CHD1L: variants seen among roughly 807,000 people sequenced by gnomAD.
CHD1L encodes chromodomain helicase DNA binding protein 1 like.
In CHD1L, 118 loss-of-function variants were observed where a neutral mutation model predicts 115.9. The observed-to-expected ratio is 1.02, with a 90% CI of 0.88 to 1.19. The LOEUF (loss-of-function observed/expected upper bound fraction) is 1.19, where lower values mean the gene tolerates loss of function less well. Among genes scored for constraint, CHD1L ranks in the 50% most tolerant of loss-of-function variants. The probability of loss-of-function intolerance (pLI) is 0.00; values close to 1 mark genes in which losing one functional copy is unlikely to be tolerated. For missense variants in CHD1L, 1,179 were observed against 1,065.3 expected (o/e 1.11, Z -1.49); for synonymous variants, 411 against 387.1 (o/e 1.06, Z -0.72).
At chr1:147,190,138 A>C in the CHD1L span, 7 of 1,301,596 alleles carry the variant, frequency 5.4e-6, no homozygotes, top group East Asian at 2.3e-5. Flanking sequence ...AGAAATAAGT[A>C]GAAATGTAAC....
rs1443036471 is a variant in CHD1L at position 147,291,514 on chromosome 1, G to A, written c.2353G>A (p.Val785Ile). ...TTTGGGAGGTGTCCTTTTATTTCCT[G>A]TTGATGATAAAGAATCAAGAAACAA... ...LSLGGVLLFP[V>I]DDKESRNKGQ... The change falls in exon 20 of 23, where the codon GTT becomes ATT. Residue 785 changes from valine to isoleucine, a missense_variant. By Grantham distance (29) the Val-to-Ile change is conservative (BLOSUM62 3). Coordinates refer to ENST00000369258, the MANE Select transcript of CHD1L (RefSeq NM_004284.6). 6.2e-7 allele frequency: 1 copy of A among 1,613,824 alleles called. No individual in the cohort carries two copies. Among genetic ancestry groups the A allele is most frequent in the African/African-American group, 1.3e-5 (1 of 74,872 alleles).
the CHD1L span, among the ~76,000 whole-genome samples, chr1:147,232,475 A>ACCTCTC: frequency 6.7e-5 from 10 of 150,084 alleles, no homozygotes; most frequent in East Asian, 4.0e-4. Flanking sequence ...CTAAACCTCA[A>ACCTCTC]CCTCTCCCTC....
intron 10 of CHD1L, 25 bp from the exon 11 acceptor site, chr1:147,270,907 T>G: frequency 3.7e-6 from 6 of 1,606,424 alleles, no homozygotes; most frequent in Non-Finnish European, 5.1e-6. Flanking sequence ...GACTTGGCAG[T>G]GTTTCCTTTT....
the CHD1L span, among the ~76,000 whole-genome samples, chr1:147,188,117 A>AG: frequency 6.6e-6 from 1 of 152,308 alleles, no homozygotes; most frequent in South Asian, 2.1e-4. Flanking sequence ...GATTTAGGAG[A>AG]GAAAAAGGTA....
intron 1 of CHD1L, 173 bp downstream of exon 1, chr1:147,243,003 A>G: frequency 1.3e-6 from 1 of 794,802 alleles, no homozygotes; most frequent in Non-Finnish European, 1.7e-6. Flanking sequence ...CTTGGTGGCC[A>G]CGGCCCCCGC....
intron 6 of CHD1L, among the ~76,000 whole-genome samples, chr1:147,263,783 G>T (rs587678128): frequency 6.6e-6 from 1 of 151,930 alleles, no homozygotes; most frequent in East Asian, 1.9e-4. Context: ...GATTCTCTGT[G>T]ATCACCAGAA....
the CHD1L span, chr1:147,179,318 A>G: frequency 6.2e-7 from 1 of 1,608,010 alleles, no homozygotes; most frequent in African/African-American, 1.3e-5. Context: ...ATTGAATTTT[A>G]TGCCCCTTGG....
chr1:147,269,667 C>CAAAAAAAAAAAAA (rs10649680), intron 10 of CHD1L, among the ~76,000 whole-genome samples: 1 of 93,270 alleles, frequency 1.1e-5, no homozygotes, highest in African/African-American at 4.4e-5. Context: ...GGCTCCATCT[C>CAAAAAAAAAAAAA]AAAAAAAAAA....
chr1:147,295,553 A>T lies in CHD1L; in HGVS notation c.*44A>T. 7.2e-7 allele frequency: 1 copy of T among 1,389,274 alleles called. No individual in the cohort carries two copies. The highest frequency in any genetic ancestry group is 1.7e-5 in the Admixed American group (1 of 57,358). The allele number at this position is 1,389,274 out of a possible 1,614,324, so 86.1% of individuals were successfully genotyped here. On this transcript the variant is annotated 3_prime_UTR_variant, in exon 23 of 23. Transcript: ENST00000369258. ...ATCCTGTCTTTAGCAACCAGCTAAT[A>T]TTTACCCAGAGGTACTGCAATAGAG...
At chr1:147,291,744 G>C (rs1685613230) in intron 20 of CHD1L, among the ~76,000 whole-genome samples, 192 bp downstream of exon 20, 3 of 152,118 alleles carry the variant, frequency 2.0e-5, no homozygotes, top group South Asian at 2.1e-4. Context: ...GAAAGTCCAA[G>C]ATCAAGGTAT....
At chr1:147,285,034 T>G (rs587597582) in intron 16 of CHD1L, among the ~76,000 whole-genome samples, 16 of 152,326 alleles carry the variant, frequency 1.1e-4, no homozygotes, top group African/African-American at 3.8e-4. Flanking sequence ...AAAAAGTTAC[T>G]TTTCTGAAGT....
chr1:147,240,390 G>A (rs1480190555), upstream of CHD1L, among the ~76,000 whole-genome samples: 3 of 152,332 alleles, frequency 2.0e-5, no homozygotes, highest in Non-Finnish European at 4.4e-5. Flanking sequence ...AATACACTGC[G>A]GAAGGCCGCA....
the CHD1L span, chr1:147,176,504 C>G: frequency 6.6e-6 from 1 of 152,234 alleles, no homozygotes; most frequent in Non-Finnish European, 1.5e-5. Context: ...TTCAACAAAC[C>G]TTGATTGAGG....
At chr1:147,255,996 A>G in intron 4 of CHD1L, 69 bp downstream of exon 4, 1 of 1,082,716 alleles carries the variant, frequency 9.2e-7, no homozygotes, top group Non-Finnish European at 1.3e-6. Flanking sequence ...GTCTGCTGAA[A>G]TTATATTTAA....
chr1:147,207,268 T>C, the CHD1L span, among the ~76,000 whole-genome samples: 6 of 152,326 alleles, frequency 3.9e-5, no homozygotes, highest in East Asian at 9.6e-4. Flanking sequence ...TGTATGGACC[T>C]ATCTACAGAG....
At chr1:147,176,889 G>T in the CHD1L span, among the ~76,000 whole-genome samples, 12 of 151,980 alleles carry the variant, frequency 7.9e-5, no homozygotes, top group Non-Finnish European at 1.5e-4. Flanking sequence ...GGTTACGGTA[G>T]GAGGCATCAA....
intron 18 of CHD1L, 36 bp from the exon 19 acceptor site, chr1:147,287,599 C>A (rs1454756012): frequency 6.6e-7 from 1 of 1,514,986 alleles, no homozygotes; most frequent in Non-Finnish European, 9.1e-7. Flanking sequence ...TGGACTTCAC[C>A]TCCTATAGAT....
intron 6 of CHD1L, 108 bp from the exon 7 acceptor site, chr1:147,264,314 A>G (rs1673072911): frequency 9.8e-7 from 1 of 1,017,410 alleles, no homozygotes; most frequent in South Asian, 1.6e-5. Flanking sequence ...CCCCTCAGTC[A>G]TTTCATTAAA....
chr1:147,189,649 C>G, the CHD1L span, among the ~76,000 whole-genome samples: 1 of 152,158 alleles, frequency 6.6e-6, no homozygotes, highest in African/African-American at 2.4e-5. Context: ...TTGTGTTCAT[C>G]AAAACACTAA....
Sources: allele counts gnomAD v4.1 joint callset (sites outside exome capture counted in the v4.1 genomes callset), GRCh38; gene constraint gnomAD v4.1.1; transcripts MANE v1.5; gene names NCBI Gene and HGNC (gene_info 2026-07-23, HGNC 2026-07-21).